CTNNA2: variants seen among roughly 807,000 people sequenced by gnomAD.
The protein encoded by CTNNA2 is catenin alpha 2, also known as catenin alpha-2.
A neutral mutation model predicts 101.0 loss-of-function variants in CTNNA2; 42 were observed. The ratio of observed to expected loss-of-function variants is 0.42; its 90% CI spans 0.32 to 0.54. The LOEUF (loss-of-function observed/expected upper bound fraction) is 0.54, where lower values mean the gene tolerates loss of function less well. CTNNA2 is among the 20% of genes least tolerant of loss of function. The pLI is 0.14. For synonymous variants in CTNNA2, 450 were observed against 456.4 expected, an observed-to-expected ratio of 0.99 and a Z score of 0.18; for missense variants, 871 against 1,223.1, an observed-to-expected ratio of 0.71 and a Z score of 4.29.
At chr2:79,257,543 T>A (rs1573002031) in intron 2 of CTNNA2, among the ~76,000 whole-genome samples, 1 of 144,700 alleles carries the variant, frequency 6.9e-6, no homozygotes, top group African/African-American at 2.6e-5. Flanking sequence ...TTAAATAAAA[T>A]ATTGAAAAAT....
chr2:80,330,881 T>A (rs922339960), intron 7 of CTNNA2, among the ~76,000 whole-genome samples: 1 of 152,216 alleles, frequency 6.6e-6, no homozygotes, highest in Non-Finnish European at 1.5e-5. Context: ...TTCTCACCAG[T>A]GGAGTGAATT....
intron 7 of CTNNA2, among the ~76,000 whole-genome samples, chr2:80,102,829 T>G (rs1460289404): frequency 2.0e-5 from 3 of 152,162 alleles, no homozygotes; most frequent in African/African-American, 7.2e-5. Flanking sequence ...ACTAAATAAA[T>G]GTAAAAAGCA....
At chr2:79,920,586 T>A (rs2104377809) in intron 7 of CTNNA2, among the ~76,000 whole-genome samples, 1 of 152,202 alleles carries the variant, frequency 6.6e-6, no homozygotes, top group South Asian at 2.1e-4. Context: ...TTTTGAGAAC[T>A]TTCAGTCACA....
intron 3 of CTNNA2, among the ~76,000 whole-genome samples, chr2:79,856,193 A>G (rs1296397624): frequency 1.3e-5 from 2 of 152,220 alleles, no homozygotes; most frequent in African/African-American, 4.8e-5. Flanking sequence ...CTTATTGTAG[A>G]TGGTAGCCTC....
At chr2:79,273,544 C>T (rs1675137172) in intron 2 of CTNNA2, among the ~76,000 whole-genome samples, 1 of 151,938 alleles carries the variant, frequency 6.6e-6, no homozygotes, top group South Asian at 2.1e-4. Context: ...TGAAAATGTC[C>T]AATCCTAGAA....
intron 9 of CTNNA2, among the ~76,000 whole-genome samples, chr2:80,470,464 TG>T (rs1685209185): frequency 6.6e-6 from 1 of 152,166 alleles, no homozygotes; most frequent in African/African-American, 2.4e-5. Context: ...TTTGGATTTT[TG>T]TTCTATGTCC....
chr2:79,792,716 A>G (rs1675380001), intron 3 of CTNNA2, among the ~76,000 whole-genome samples: 1 of 152,206 alleles, frequency 6.6e-6, no homozygotes, highest in Non-Finnish European at 1.5e-5. Flanking sequence ...TTGTGATATT[A>G]GAAAAATCAC....
At chr2:80,636,409 T>G (rs1283340570) in intron 18 of CTNNA2, among the ~76,000 whole-genome samples, 1 of 152,142 alleles carries the variant, frequency 6.6e-6, no homozygotes, top group Non-Finnish European at 1.5e-5. Flanking sequence ...CCCAAGTGTT[T>G]GTGTTTTGAA....
At chr2:80,567,904 T>A (rs2149688189) in intron 12 of CTNNA2, among the ~76,000 whole-genome samples, 1 of 152,258 alleles carries the variant, frequency 6.6e-6, no homozygotes, top group East Asian at 1.9e-4. Context: ...TGTTAACAGT[T>A]ACTAAACTGT....
intron 9 of CTNNA2, among the ~76,000 whole-genome samples, chr2:80,477,601 A>G (rs1685826540): frequency 6.6e-6 from 1 of 152,020 alleles, no homozygotes; most frequent in Non-Finnish European, 1.5e-5. Context: ...AAATGAGAAC[A>G]TGTGGTATTT....
intron 4 of CTNNA2, among the ~76,000 whole-genome samples, chr2:79,441,868 T>G (rs752730390): frequency 6.6e-6 from 1 of 152,208 alleles, no homozygotes; most frequent in Non-Finnish European, 1.5e-5. Context: ...ACTTTCTTTC[T>G]GTTTCTAGAA....
In CTNNA2 at chr2:79,911,344, C is replaced by T. The variant is rs550756586; in HGVS notation, c.1056+1547C>T. 4.6e-5 allele frequency among the ~76,000 whole-genome samples: 7 copies of T among 152,322 alleles called. No homozygotes were observed. The South Asian group carries it at 8.3e-4, about 18-fold the overall frequency. ...TAGTGGTTCTATTAATGAATAGTTACTGCCAAAGAAGGAAGTAGAAACTAC... is the reference window on the plus strand; with the variant it reads ...TAGTGGTTCTATTAATGAATAGTTATTGCCAAAGAAGGAAGTAGAAACTAC... On this transcript the variant is annotated intron_variant, in intron 7 of 18. Transcript: ENST00000402739.
intron 3 of CTNNA2, among the ~76,000 whole-genome samples, chr2:79,844,673 C>T (rs1680066662): frequency 6.6e-6 from 1 of 152,128 alleles, no homozygotes; most frequent in African/African-American, 2.4e-5. Context: ...AGAGAGGGAC[C>T]TTTGGCCCTA....
intron 7 of CTNNA2, among the ~76,000 whole-genome samples, chr2:80,103,852 A>C (rs1700706921): frequency 6.6e-6 from 1 of 152,194 alleles, no homozygotes; most frequent in Non-Finnish European, 1.5e-5. Context: ...CTCTCGCCTC[A>C]GTCTCCTGAG....
chr2:79,687,420 T>C (rs1684005045), intron 2 of CTNNA2: 1 of 507,060 alleles, frequency 2.0e-6, no homozygotes, highest in South Asian at 3.2e-5. Flanking sequence ...GCAGCAAAAA[T>C]CCATAAAAGG....
intron 2 of CTNNA2, among the ~76,000 whole-genome samples, 191 bp downstream of exon 2, chr2:79,651,849 T>C (rs186696084): frequency 6.6e-6 from 1 of 152,300 alleles, no homozygotes; most frequent in East Asian, 1.9e-4. Context: ...TTTTAAAAAC[T>C]ATTTGTATGA....
chr2:79,659,408 A>AAT (rs1429701670), intron 2 of CTNNA2, among the ~76,000 whole-genome samples: 5 of 151,810 alleles, frequency 3.3e-5, no homozygotes, highest in African/African-American at 1.2e-4. Context: ...TTGATAAATG[A>AAT]ATACATTTGG....
At position 79,212,195 on chromosome 2, in the gene CTNNA2, A is replaced by G. The variant is rs183152636; in HGVS notation, c.-406+14119A>G. Among the ~76,000 whole-genome samples, 171 of 152,196 alleles carry G rather than the reference A, an allele frequency of 1.1e-3. No individual in the cohort carries two copies. In the East Asian group the frequency reaches 0.025, roughly 22 times the overall value. On this transcript the variant is annotated intron_variant, in intron 2 of 21. Coordinates refer to the CTNNA2 transcript ENST00000466387. ...GCACCAGGAGATATCAGCTGTGATG[A>G]CTTGGAGAAACAGTGTAAACCGGCA...
At chr2:79,306,149 C>A (rs1337456340) in intron 2 of CTNNA2, among the ~76,000 whole-genome samples, 1 of 151,746 alleles carries the variant, frequency 6.6e-6, no homozygotes, top group Non-Finnish European at 1.5e-5. Flanking sequence ...AGATAATCAC[C>A]TTTTTATCTC....
Sources: allele counts gnomAD v4.1 joint callset (sites outside exome capture counted in the v4.1 genomes callset), GRCh38; gene constraint gnomAD v4.1.1; transcripts MANE v1.5; gene names NCBI Gene and HGNC (gene_info 2026-07-23, HGNC 2026-07-21).